FARP2: variants seen among roughly 807,000 people sequenced by gnomAD.
FARP2 encodes FERM, ARH/RhoGEF and pleckstrin domain protein 2, also known as FERM, ARHGEF and pleckstrin domain-containing protein 2.
Under a neutral mutation model 130.5 loss-of-function variants are expected in FARP2, and 111 were observed. The observed-to-expected ratio is 0.85, with a 90% CI of 0.73 to 1.00. FARP2 has a LOEUF of 1.00. FARP2 is among the 50% of genes least tolerant of loss of function. The pLI, the probability that FARP2 is intolerant of heterozygous loss-of-function variation, is 0.00. For missense variants in FARP2, 1,385 were observed against 1,346.3 expected, an observed-to-expected ratio of 1.03 and a Z score of -0.45; for synonymous variants, 504 against 516.9, an observed-to-expected ratio of 0.98 and a Z score of 0.34.
At chr2:241,480,678 CTG>C (rs768465330) in intron 19 of FARP2, among the ~76,000 whole-genome samples, 7 of 151,798 alleles carry the variant, frequency 4.6e-5, no homozygotes, top group Non-Finnish European at 7.4e-5. Context: ...GCAAACAAAA[CTG>C]TGTATTTATG....
chr2:241,375,359 A>T (rs575332180), intron 2 of FARP2, among the ~76,000 whole-genome samples: 6 of 152,300 alleles, frequency 3.9e-5, no homozygotes, highest in African/African-American at 1.4e-4. Flanking sequence ...TTTAAGAGAA[A>T]AAAAGTGAAA....
chr2:241,430,674 C>G (rs1439835687), intron 8 of FARP2, among the ~76,000 whole-genome samples: 1 of 152,090 alleles, frequency 6.6e-6, no homozygotes, highest in Non-Finnish European at 1.5e-5. Flanking sequence ...TGTATATTAA[C>G]ATTGATTTTA....
intron 9 of FARP2, among the ~76,000 whole-genome samples, chr2:241,433,703 C>A (rs1402538232): frequency 6.6e-6 from 1 of 152,086 alleles, no homozygotes; most frequent in African/African-American, 2.4e-5. Context: ...GCAGATGGAA[C>A]CAGAAGACTT....
chr2:241,485,755 G>A (rs748939461), intron 21 of FARP2, among the ~76,000 whole-genome samples: 18 of 141,224 alleles, frequency 1.3e-4, no homozygotes, highest in Middle Eastern at 4.5e-3. Context: ...GCTCCCTGTG[G>A]TCCTCCCTCC....
At chr2:241,478,969 G>T in intron 19 of FARP2, 1 of 429,712 alleles carries the variant, frequency 2.3e-6, no homozygotes, top group Non-Finnish European at 4.4e-6. Context: ...CCAAGATTTT[G>T]CAAGAACAAG....
At chr2:241,434,930 T>A in intron 10 of FARP2, 32 bp from the exon 11 acceptor site, 1 of 1,293,904 alleles carries the variant, frequency 7.7e-7, no homozygotes, top group Non-Finnish European at 1.1e-6. Flanking sequence ...GACTTACTGT[T>A]CTTTATTAAA....
chr2:241,396,222 A>AT (rs2062023930), intron 2 of FARP2, among the ~76,000 whole-genome samples: 1 of 152,154 alleles, frequency 6.6e-6, no homozygotes, highest in Non-Finnish European at 1.5e-5. Flanking sequence ...ACCTAAAACC[A>AT]TAAAAACCCT....
rs371735403 is a variant in FARP2 at position 241,490,082 on chromosome 2, G to C, written c.2504+38G>C. 8.4e-5 allele frequency: 123 copies of C among 1,468,516 alleles called. 5 individuals carry two copies. The highest frequency in any genetic ancestry group is 5.0e-4 in the East Asian group (22 of 44,232). 91.0% of individuals were successfully genotyped at this position (1,468,516 alleles called of 1,614,324 possible). A position where few individuals can be genotyped will look rare whatever the true frequency, so the allele number is the denominator to read the frequency against. On this transcript the variant is annotated intron_variant, in intron 22 of 26. Coordinates refer to ENST00000264042, the MANE Select transcript of FARP2 (RefSeq NM_014808.4). ...CATGTCTCCATCCTGAGCAGCCCTG[G>C]ATGGAGGGGTGGGGACTTCCTCGCC...
intron 12 of FARP2, among the ~76,000 whole-genome samples, chr2:241,437,657 TA>T (rs2063268915): frequency 7.0e-6 from 1 of 142,090 alleles, no homozygotes; most frequent in African/African-American, 2.5e-5. Context: ...TATATTTATT[TA>T]TTTATTTATT....
chr2:241,372,333 T>C lies in FARP2; in HGVS notation c.-24-751T>C, dbSNP rs899884785. ...GGCAGGTGCCTCCTGCTACCAGGCA[T>C]GTGGTCCTTGTTACCCTTATCCAGG... On this transcript the variant is annotated intron_variant, in intron 1 of 26. Transcript: ENST00000264042. Among the ~76,000 whole-genome samples, 15 of 152,254 alleles carry C rather than the reference T, an allele frequency of 9.9e-5. 3 individuals are homozygous for C. The highest frequency in any genetic ancestry group is 6.5e-4 in the Admixed American group (10 of 15,302).
chr2:241,452,592 C>T (rs758031284), intron 13 of FARP2, among the ~76,000 whole-genome samples: 7 of 151,526 alleles, frequency 4.6e-5, no homozygotes, highest in Non-Finnish European at 1.0e-4. Context: ...TGTTTGAGGC[C>T]AGGAGTTCAA....
At chr2:241,384,009 T>G (rs1235951693) in intron 2 of FARP2, among the ~76,000 whole-genome samples, 1 of 151,740 alleles carries the variant, frequency 6.6e-6, no homozygotes, top group African/African-American at 2.4e-5. Context: ...GGTGCTAACA[T>G]TGCCCTTCTG....
Position 241,490,806 on chromosome 2 carries a change from CCT to C in FARP2, c.2505-254_2505-253del, listed in dbSNP as rs879375229. ...CAGGAACAAATACCCCTGCAGACCC[CCT>C]GTTCTAGGACCGGGGCCCTGCCCTG... On this transcript the variant is annotated intron_variant, in intron 22 of 26. Coordinates refer to ENST00000264042, the MANE Select transcript of FARP2 (RefSeq NM_014808.4). 7.9e-5 allele frequency among the ~76,000 whole-genome samples: 12 copies of C among 152,340 alleles called. No individual in the cohort carries two copies. The East Asian group carries it at 1.7e-3, about 22-fold the overall frequency.
At chr2:241,492,177 C>T (rs2064941473) in intron 24 of FARP2, among the ~76,000 whole-genome samples, 2 of 152,196 alleles carry the variant, frequency 1.3e-5, no homozygotes, top group African/African-American at 4.8e-5. Flanking sequence ...ACCCAGAGCT[C>T]TTGTCTTTTT....
chr2:241,456,786 G>A lies in FARP2; in HGVS notation c.1451G>A (p.Arg484Gln), dbSNP rs777159772. 20 of 1,613,940 alleles carry A rather than the reference G, an allele frequency of 1.2e-5. No individual in the cohort carries two copies. Among genetic ancestry groups the A allele is most frequent in the East Asian group, 2.2e-5 (1 of 44,878 alleles). The stretch of plus-strand genomic sequence containing the variant: ...AGTCCTCAGCCTTCTCCCTCCAGCC[G>A]GAAGAGCCCCCTGAGTCTGAGCCCT... ...TKSPQPSPSS[R>Q]KSPLSLSPAF... The change falls in exon 14 of 27, where the codon CGG (arginine) becomes CAG (glutamine). Residue 484 changes from arginine (R) to glutamine (Q), a missense_variant. Arg to Gln is a conservative substitution (Grantham distance 43). Transcript: ENST00000264042.
At chr2:241,493,722 G>GTAAC in intron 26 of FARP2, 1 of 519,120 alleles carries the variant, frequency 1.9e-6, no homozygotes, top group Non-Finnish European at 3.4e-6. Context: ...AGCCTCCTGA[G>GTAAC]TAACTGAGAT....
intron 13 of FARP2, chr2:241,446,440 G>A (rs1304456152): frequency 6.6e-6 from 1 of 152,154 alleles, no homozygotes; most frequent in Middle Eastern, 3.2e-3. Flanking sequence ...AATTGCTTTG[G>A]TGTACGGGTA....
intron 13 of FARP2, among the ~76,000 whole-genome samples, chr2:241,455,621 G>T (rs974196347): frequency 2.0e-5 from 3 of 151,394 alleles, no homozygotes; most frequent in African/African-American, 7.3e-5. Flanking sequence ...ACGTCAGGTG[G>T]TCCACCCCCC....
chr2:241,463,523 G>A lies in FARP2; in HGVS notation c.1811+55G>A, dbSNP rs368716875. ...ACTCCCACACCAACTCATCATCACC[G>A]CTCTTAGGAACTTCCCAGCTTCAGA... On this transcript the variant is annotated intron_variant, in intron 16 of 26. Coordinates refer to ENST00000264042, the MANE Select transcript of FARP2 (RefSeq NM_014808.4). The A allele has an allele frequency of 2.8e-4, 441 of 1,566,950 alleles. 16 individuals carry two copies. In the East Asian group the frequency reaches 2.8e-3, roughly 10 times the overall value.
Sources: gnomAD v4.1 joint callset for allele counts (sites outside exome capture counted in the v4.1 genomes callset) on GRCh38, gnomAD v4.1.1 for gene constraint, MANE v1.5 for transcripts, NCBI Gene and HGNC (gene_info 2026-07-23, HGNC 2026-07-21) for gene names.